The following TECRL variants were observed in gnomAD, a reference collection of about 807,000 sequenced individuals.
TECRL encodes the protein trans-2,3-enoyl-CoA reductase-like.
Under a neutral mutation model 52.8 loss-of-function variants are expected in TECRL, and 63 were observed. The observed-to-expected ratio is 1.19, with a 90% CI of 0.97 to 1.47. The LOEUF (loss-of-function observed/expected upper bound fraction) is 1.47, where lower values mean the gene tolerates loss of function less well. Ranked by LOEUF, TECRL falls within the 40% of genes most tolerant of loss-of-function variation. The pLI, the probability that TECRL is intolerant of heterozygous loss-of-function variation, is 0.00. For synonymous variants in TECRL, 164 were observed against 141.9 expected (o/e 1.16, Z -1.10); for missense variants, 482 against 429.6 (o/e 1.12, Z -1.08).
chr4:64,336,465 G>C (rs1719090894), intron 2 of TECRL, among the ~76,000 whole-genome samples: 1 of 152,058 alleles, frequency 6.6e-6, no homozygotes, highest in Admixed American at 6.6e-5. Context: ...ACAGCTCCTG[G>C]ATACATTGAT....
At chr4:64,311,774 AG>A (rs1382962601) in intron 5 of TECRL, among the ~76,000 whole-genome samples, 1 of 152,154 alleles carries the variant, frequency 6.6e-6, no homozygotes, top group East Asian at 1.9e-4. Flanking sequence ...AACACTGATT[AG>A]TTTTTGTGGA....
chr4:64,352,848 A>C (rs1285805981), intron 2 of TECRL, among the ~76,000 whole-genome samples: 2 of 152,198 alleles, frequency 1.3e-5, no homozygotes, highest in African/African-American at 4.8e-5. Flanking sequence ...TCTCTAAAAA[A>C]AGTATAACTT....
At chr4:64,355,925 A>G (rs1720741561) in intron 2 of TECRL, among the ~76,000 whole-genome samples, 1 of 152,132 alleles carries the variant, frequency 6.6e-6, no homozygotes, top group Non-Finnish European at 1.5e-5. Context: ...TCTATGTAGA[A>G]AGGAAAGACA....
chr4:64,334,650 G>GA (rs1034155340), intron 2 of TECRL, among the ~76,000 whole-genome samples: 3 of 152,184 alleles, frequency 2.0e-5, no homozygotes, highest in African/African-American at 7.2e-5. Context: ...AGCAACTGCA[G>GA]AAAAAAGTTT....
intron 1 of TECRL, among the ~76,000 whole-genome samples, chr4:64,393,983 CT>C (rs1723736796): frequency 6.6e-6 from 1 of 151,924 alleles, no homozygotes; most frequent in Non-Finnish European, 1.5e-5. Flanking sequence ...GAAATTCAGA[CT>C]TTTTTGGAGT....
At chr4:64,348,670 C>A (rs1720161964) in intron 2 of TECRL, among the ~76,000 whole-genome samples, 1 of 152,164 alleles carries the variant, frequency 6.6e-6, no homozygotes, top group South Asian at 2.1e-4. Context: ...TCTGTTCTAG[C>A]ATATTTCTTA....
chr4:64,313,900 G>A (rs1486769195), intron 5 of TECRL, among the ~76,000 whole-genome samples: 14 of 146,590 alleles, frequency 9.6e-5, no homozygotes, highest in African/African-American at 3.5e-4. Context: ...TTGGGAAGCC[G>A]AGGCGGGCGG....
intron 1 of TECRL, among the ~76,000 whole-genome samples, chr4:64,398,637 A>G (rs1011594818): frequency 2.0e-5 from 3 of 152,160 alleles, no homozygotes; most frequent in Non-Finnish European, 4.4e-5. Context: ...TCTTTCCTTT[A>G]TAAATTACCC....
At chr4:64,337,660 G>A (rs1277522119) in intron 2 of TECRL, among the ~76,000 whole-genome samples, 1 of 152,086 alleles carries the variant, frequency 6.6e-6, no homozygotes, top group Non-Finnish European at 1.5e-5. Context: ...CAAATCATGA[G>A]TGAACTCCCA....
At chr4:64,335,980 T>G (rs377508344) in intron 2 of TECRL, among the ~76,000 whole-genome samples, 195 of 152,202 alleles carry the variant, frequency 1.3e-3, no homozygotes, top group African/African-American at 4.4e-3. Context: ...TTTTTTTGGT[T>G]GTTGTGTCTC....
At chr4:64,286,600 A>C (rs1256459308) in intron 9 of TECRL, among the ~76,000 whole-genome samples, 19 of 152,030 alleles carry the variant, frequency 1.2e-4, no homozygotes. Flanking sequence ...TTGGTTGGGA[A>C]TCATCAACCC....
chr4:64,306,165 CTG>C (rs1200464104), intron 6 of TECRL, among the ~76,000 whole-genome samples: 1 of 152,172 alleles, frequency 6.6e-6, no homozygotes, highest in Admixed American at 6.6e-5. Flanking sequence ...CACTGGGCCT[CTG>C]TCAGTCAGTT....
At chr4:64,379,051 C>T (rs937811734) in intron 1 of TECRL, among the ~76,000 whole-genome samples, 4 of 151,172 alleles carry the variant, frequency 2.6e-5, no homozygotes, top group African/African-American at 4.9e-5. Context: ...ATCAATTATG[C>T]CGTTTCTATT....
intron 1 of TECRL, among the ~76,000 whole-genome samples, chr4:64,382,749 A>C (rs1302522479): frequency 1.3e-5 from 2 of 152,118 alleles, no homozygotes; most frequent in East Asian, 1.9e-4. Flanking sequence ...TGATTTTTAT[A>C]ACTGTTATTC....
At chr4:64,365,228 A>G (rs1221423884) in intron 2 of TECRL, among the ~76,000 whole-genome samples, 3 of 149,588 alleles carry the variant, frequency 2.0e-5, no homozygotes, top group East Asian at 2.0e-4. Flanking sequence ...AAAGCTATAC[A>G]TAAAAGGAAC....
chr4:64,345,158 A>G (rs1460142587), intron 2 of TECRL, among the ~76,000 whole-genome samples: 1 of 152,276 alleles, frequency 6.6e-6, no homozygotes, highest in East Asian at 1.9e-4. Flanking sequence ...GCAATTCCTC[A>G]GGGATCTAGA....
intron 2 of TECRL, among the ~76,000 whole-genome samples, chr4:64,374,066 T>TAGTAGGTAC (rs1303639523): frequency 7.7e-6 from 1 of 129,706 alleles, no homozygotes; most frequent in Admixed American, 8.1e-5. Context: ...TATATATATA[T>TAGTAGGTAC]ATATATATAT....
At chr4:64,371,583 T>A (rs898089316) in intron 2 of TECRL, among the ~76,000 whole-genome samples, 5 of 151,544 alleles carry the variant, frequency 3.3e-5, no homozygotes, top group African/African-American at 1.2e-4. Flanking sequence ...CATAAATATA[T>A]ATTTTATTTT....
intron 2 of TECRL, among the ~76,000 whole-genome samples, chr4:64,334,049 AG>A (rs1417574317): frequency 6.9e-6 from 1 of 144,836 alleles, no homozygotes; most frequent in Non-Finnish European, 1.5e-5. Context: ...AAAAAAAAAA[AG>A]AAAAAGAGAG....
Sources: gnomAD v4.1 joint callset for allele counts (sites outside exome capture counted in the v4.1 genomes callset) on GRCh38, gnomAD v4.1.1 for gene constraint, MANE v1.5 for transcripts, NCBI Gene and HGNC (gene_info 2026-07-23, HGNC 2026-07-21) for gene names.